IDO2: variants seen among roughly 807,000 people sequenced by gnomAD.
IDO2 encodes indoleamine 2,3-dioxygenase 2.
IDO2 carries 46 observed loss-of-function variants against 45.1 expected under a neutral mutation model. That is an observed-to-expected ratio of 1.02 (90% CI 0.80 to 1.30). The LOEUF is 1.30. Among genes scored for constraint, IDO2 ranks in the 50% most tolerant of loss-of-function variants. The probability of loss-of-function intolerance (pLI) is 0.00; values close to 1 mark genes in which losing one functional copy is unlikely to be tolerated. For missense variants in IDO2, 544 were observed against 491.8 expected, an observed-to-expected ratio of 1.11 and a Z score of -1.00; for synonymous variants, 218 against 184.9, an observed-to-expected ratio of 1.18 and a Z score of -1.45.
intron 8 of IDO2, among the ~76,000 whole-genome samples, chr8:39,998,717 T>C (rs910587829): frequency 2.1e-5 from 3 of 141,448 alleles, no homozygotes; most frequent in African/African-American, 5.2e-5. Flanking sequence ...CTCGGCTCAC[T>C]ACAACCTGTG....
At chr8:39,980,409 T>G (rs1316921986) in intron 4 of IDO2, among the ~76,000 whole-genome samples, 1 of 152,214 alleles carries the variant, frequency 6.6e-6, no homozygotes, top group East Asian at 1.9e-4. Flanking sequence ...TTAATACTGC[T>G]TTCTATCCAG....
chr8:39,976,029 G>C (rs1808254649), intron 3 of IDO2, among the ~76,000 whole-genome samples: 1 of 152,080 alleles, frequency 6.6e-6, no homozygotes, highest in Non-Finnish European at 1.5e-5. Flanking sequence ...CTCCAGGATG[G>C]AGTGCAGTGG....
chr8:40,015,963 CT>C lies in IDO2; in HGVS notation c.*363del, dbSNP rs1554550424. On this transcript the variant is annotated 3_prime_UTR_variant, in exon 11 of 11. Coordinates refer to ENST00000502986, the Ensembl canonical transcript of IDO2. ...TGGGGATACATTACTTGTTGATTTT[CT>C]TAAAAAACAAATTCACTTAACAATT... 93 of 367,062 alleles carry C rather than the reference CT, an allele frequency of 2.5e-4. No homozygotes were observed. The East Asian group carries it at 3.4e-3, about 13-fold the overall frequency. The allele number at this position is 367,062 out of a possible 1,614,324, so 22.7% of individuals were successfully genotyped here.
intron 2 of IDO2, among the ~76,000 whole-genome samples, chr8:39,959,111 A>ATT (rs36099242): frequency 0.012 from 1,677 of 141,730 alleles, 32 homozygotes; most frequent in African/African-American, 0.039. Context: ...TAATCTGTAG[A>ATT]TTTTTTTTTT....
chr8:39,981,631 C>A (rs959700329), intron 4 of IDO2, among the ~76,000 whole-genome samples: 1 of 152,144 alleles, frequency 6.6e-6, no homozygotes, highest in Non-Finnish European at 1.5e-5. Flanking sequence ...AAGTACCTGG[C>A]TCTCCAATGC....
At chr8:39,995,268 T>TTCTGCC (rs1802022276) in intron 8 of IDO2, 1 of 94,130 alleles carries the variant, frequency 1.1e-5, no homozygotes, top group African/African-American at 5.9e-5. Context: ...CTTCTTCCTC[T>TTCTGCC]TCTTCTTCTT....
At chr8:39,948,295 C>T (rs968502954) in intron 1 of IDO2, among the ~76,000 whole-genome samples, 1 of 152,212 alleles carries the variant, frequency 6.6e-6, no homozygotes, top group African/African-American at 2.4e-5. Context: ...CTACATACAA[C>T]ACCTTCTGAG....
intron 1 of IDO2, among the ~76,000 whole-genome samples, chr8:39,942,962 G>A (rs928931246): frequency 2.6e-5 from 4 of 152,180 alleles, no homozygotes; most frequent in African/African-American, 7.2e-5. Context: ...AGGAAAGAAC[G>A]AGAGGACAAT....
At chr8:39,991,287 C>A (rs1327561405) in intron 8 of IDO2, among the ~76,000 whole-genome samples, 1 of 152,092 alleles carries the variant, frequency 6.6e-6, no homozygotes, top group South Asian at 2.1e-4. Flanking sequence ...AGGTCTTCTG[C>A]CAAACAGCTC....
exon 11 of IDO2, chr8:40,015,648 G>T (rs368029995): frequency 1.7e-4 from 245 of 1,416,700 alleles, no homozygotes; most frequent in Admixed American, 4.4e-4. Flanking sequence ...TGGAGGGCAG[G>T]TGGGCCTGGA....
chr8:39,966,178 G>A (rs2729476), intron 3 of IDO2, among the ~76,000 whole-genome samples: 9 of 151,454 alleles, frequency 5.9e-5, no homozygotes, highest in African/African-American at 9.7e-5. Flanking sequence ...ACAGGCACCC[G>A]CCACCATGCC....
At chr8:39,950,974 T>A (rs1423996368) in intron 2 of IDO2, among the ~76,000 whole-genome samples, 1 of 151,978 alleles carries the variant, frequency 6.6e-6, no homozygotes, top group Non-Finnish European at 1.5e-5. Flanking sequence ...AACTTTCCCA[T>A]TTCTGACAGT....
chr8:39,979,032 C>A (rs750787433), intron 3 of IDO2, 35 bp from the exon 4 acceptor site: 18 of 1,554,640 alleles, frequency 1.2e-5, no homozygotes, highest in Non-Finnish European at 1.6e-5. Flanking sequence ...CGGTTCCCAT[C>A]CCTCCTCTGA....
chr8:39,997,634 TG>T (rs1287968474), intron 8 of IDO2, among the ~76,000 whole-genome samples: 1 of 152,182 alleles, frequency 6.6e-6, no homozygotes, highest in African/African-American at 2.4e-5. Flanking sequence ...TACTGAAGCC[TG>T]GGGACAGAGT....
At chr8:39,972,068 C>G (rs973860777) in intron 3 of IDO2, among the ~76,000 whole-genome samples, 1 of 152,144 alleles carries the variant, frequency 6.6e-6, no homozygotes, top group African/African-American at 2.4e-5. Flanking sequence ...CCTTGGCCTC[C>G]CAAAGTGCTG....
intron 8 of IDO2, among the ~76,000 whole-genome samples, chr8:39,991,424 A>C (rs1801927824): frequency 6.6e-6 from 1 of 152,154 alleles, no homozygotes; most frequent in African/African-American, 2.4e-5. Flanking sequence ...GTGTCTTCAG[A>C]TCACATGGAT....
chr8:39,960,828 G>C (rs1377925776), intron 2 of IDO2, among the ~76,000 whole-genome samples: 5 of 152,104 alleles, frequency 3.3e-5, no homozygotes, highest in Admixed American at 2.6e-4. Flanking sequence ...TGTTGCCCAG[G>C]ATGGAGTGCA....
intron 8 of IDO2, 56 bp downstream of exon 8, chr8:39,989,894 G>C (rs1808476272): frequency 8.5e-7 from 1 of 1,181,960 alleles, no homozygotes; most frequent in African/African-American, 1.5e-5. Context: ...GCTCTGCTTA[G>C]GGGAAGAGGG....
chr8:40,012,360 C>T (rs983402083), intron 9 of IDO2, among the ~76,000 whole-genome samples: 1 of 152,048 alleles, frequency 6.6e-6, no homozygotes, highest in African/African-American at 2.4e-5. Flanking sequence ...TAGAAAATTG[C>T]AAGTTTGGGG....
Sources: allele counts gnomAD v4.1 joint callset (sites outside exome capture counted in the v4.1 genomes callset), GRCh38; gene constraint gnomAD v4.1.1; transcripts MANE v1.5; gene names NCBI Gene and HGNC (gene_info 2026-07-23, HGNC 2026-07-21).